The following SGMS2 variants were observed in gnomAD, a reference collection of about 807,000 sequenced individuals.
The protein encoded by SGMS2 is phosphatidylcholine:ceramide cholinephosphotransferase 2.
A neutral mutation model predicts 43.8 loss-of-function variants in SGMS2; 21 were observed. The ratio of observed to expected loss-of-function variants is 0.48; its 90% CI spans 0.34 to 0.69. The LOEUF (loss-of-function observed/expected upper bound fraction) is 0.69. SGMS2 is among the 30% of genes least tolerant of loss of function. SGMS2 has a pLI of 0.01. For synonymous variants in SGMS2, 167 were observed against 160.6 expected, an observed-to-expected ratio of 1.04 and a Z score of -0.30; for missense variants, 384 against 443.2, an observed-to-expected ratio of 0.87 and a Z score of 1.20.
intron 2 of SGMS2, among the ~76,000 whole-genome samples, chr4:107,880,834 A>C (rs531602786): frequency 6.7e-6 from 1 of 148,328 alleles, no homozygotes; most frequent in Non-Finnish European, 1.5e-5. Flanking sequence ...AGCCTAGGTG[A>C]CATAGCGAGA....
chr4:107,895,577 A>C lies in SGMS2; in HGVS notation c.24A>C (p.Lys8Asn), dbSNP rs1730596416. The C allele has an allele frequency of 5.0e-6, 8 of 1,613,760 alleles. No individual in the cohort carries two copies. Among genetic ancestry groups the C allele is most frequent in the Non-Finnish European group, 6.8e-6 (8 of 1,179,804 alleles). The change falls in exon 3 of 7, where the codon AAA (lysine) becomes AAC (asparagine). Residue 8 changes from lysine to asparagine, a missense_variant. Physicochemically the swap from Lys to Asn is moderately conservative, Grantham distance 94 (BLOSUM62 0). Coordinates refer to ENST00000690982, the MANE Select transcript of SGMS2 (RefSeq NM_001375905.1). ...CAATGGATATCATAGAGACAGCAAA[A>C]CTTGAAGAACATTTGGAAAATCAAC... MDIIETA[K>N]LEEHLENQPS...
intron 4 of SGMS2, 112 bp downstream of exon 4, chr4:107,899,804 C>A (rs1730969829): frequency 1.8e-6 from 1 of 560,166 alleles, no homozygotes; most frequent in Non-Finnish European, 3.0e-6. Flanking sequence ...TGAAATCTAG[C>A]ATCTTTTCTA....
intron 4 of SGMS2, among the ~76,000 whole-genome samples, chr4:107,902,863 G>A (rs77231097): frequency 0.016 from 2,401 of 152,164 alleles, 29 homozygotes; most frequent in South Asian, 0.031. Flanking sequence ...GTATGCAGCT[G>A]AATCAAATAT....
intron 2 of SGMS2, among the ~76,000 whole-genome samples, chr4:107,881,933 A>G (rs774212090): frequency 1.3e-5 from 2 of 152,148 alleles, no homozygotes; most frequent in Non-Finnish European, 2.9e-5. Context: ...CATATTGCAA[A>G]TGATGACATC....
chr4:107,898,378 G>A (rs1183312704), intron 3 of SGMS2, among the ~76,000 whole-genome samples: 1 of 151,852 alleles, frequency 6.6e-6, no homozygotes, highest in Non-Finnish European at 1.5e-5. Flanking sequence ...AATGTTATCT[G>A]AATTAGACCT....
intron 2 of SGMS2, among the ~76,000 whole-genome samples, chr4:107,883,764 C>A (rs1429394194): frequency 1.3e-5 from 2 of 152,138 alleles, no homozygotes; most frequent in Non-Finnish European, 2.9e-5. Context: ...TACATCTAAT[C>A]TAATTCCCTT....
chr4:107,893,998 C>G (rs1730458567), intron 2 of SGMS2, among the ~76,000 whole-genome samples: 1 of 152,186 alleles, frequency 6.6e-6, no homozygotes, highest in Non-Finnish European at 1.5e-5. Flanking sequence ...CCTACATAGC[C>G]TTCAGCACTG....
intron 4 of SGMS2, among the ~76,000 whole-genome samples, chr4:107,902,388 A>G (rs17038217): frequency 0.017 from 2,505 of 151,708 alleles, 29 homozygotes; most frequent in Middle Eastern, 0.041. Flanking sequence ...TTTGCTTTAT[A>G]CTTATCTGAT....
At chr4:107,901,517 T>C (rs1181770491) in intron 4 of SGMS2, among the ~76,000 whole-genome samples, 2 of 152,252 alleles carry the variant, frequency 1.3e-5, no homozygotes, top group African/African-American at 4.8e-5. Flanking sequence ...ATATCTGTTA[T>C]AGTAATTGAT....
At chr4:107,829,341 A>T (rs774180311) in intron 1 of SGMS2, among the ~76,000 whole-genome samples, 16 of 152,128 alleles carry the variant, frequency 1.1e-4, no homozygotes, top group Non-Finnish European at 2.1e-4. Context: ...TTTTTCATTC[A>T]CTTTTCTATT....
intron 1 of SGMS2, among the ~76,000 whole-genome samples, chr4:107,846,990 C>T (rs370591940): frequency 3.5e-4 from 53 of 152,118 alleles, no homozygotes; most frequent in Non-Finnish European, 6.3e-4. Flanking sequence ...TTTGTTTGAG[C>T]TCATTGTAGA....
At chr4:107,830,211 C>T (rs941972936) in intron 1 of SGMS2, among the ~76,000 whole-genome samples, 1 of 152,168 alleles carries the variant, frequency 6.6e-6, no homozygotes, top group Non-Finnish European at 1.5e-5. Flanking sequence ...GACATGATTT[C>T]ATTCATTTTT....
intron 5 of SGMS2, among the ~76,000 whole-genome samples, chr4:107,904,516 AG>A (rs1416429967): frequency 6.6e-6 from 1 of 152,148 alleles, no homozygotes; most frequent in Non-Finnish European, 1.5e-5. Flanking sequence ...ACAAGAGTTG[AG>A]GTTCTCTGTA....
chr4:107,847,326 A>C (rs530886261), intron 1 of SGMS2, among the ~76,000 whole-genome samples: 84 of 152,238 alleles, frequency 5.5e-4, no homozygotes, highest in Admixed American at 4.0e-3. Context: ...TCAGCTTTCT[A>C]CTTATGGCTA....
intron 2 of SGMS2, among the ~76,000 whole-genome samples, chr4:107,888,116 G>C (rs1201217260): frequency 2.0e-5 from 3 of 152,080 alleles, no homozygotes; most frequent in African/African-American, 7.2e-5. Context: ...TTGAGGAGTT[G>C]AATAGCTTTA....
chr4:107,865,226 A>T (rs1296170493), intron 2 of SGMS2, among the ~76,000 whole-genome samples: 1 of 152,178 alleles, frequency 6.6e-6, no homozygotes, highest in Admixed American at 6.5e-5. Context: ...CTGGCTTAGG[A>T]GTGTATGTCA....
intron 2 of SGMS2, among the ~76,000 whole-genome samples, chr4:107,862,821 T>C (rs1018208617): frequency 1.3e-5 from 2 of 152,178 alleles, no homozygotes; most frequent in African/African-American, 4.8e-5. Flanking sequence ...CACAAACAAG[T>C]TGCTAGGCAA....
At position 107,895,425 on chromosome 4, in the gene SGMS2, T is replaced by C; in HGVS notation, c.-129T>C. 1.1e-6 allele frequency: 1 copy of C among 947,408 alleles called. No individual in the cohort carries two copies. 58.7% of individuals were successfully genotyped at this position (947,408 alleles called of 1,614,324 possible). A position where few individuals can be genotyped will look rare whatever the true frequency, so the allele number is the denominator to read the frequency against. ...AATCGGATGGCTACCTTCTACATTT[T>C]GTATTAGGAAACAAAGTCCATTGTA... On this transcript the variant is annotated 5_prime_UTR_variant, in exon 3 of 7. Transcript: ENST00000690982.
At chr4:107,840,091 A>G (rs1005067306) in intron 1 of SGMS2, among the ~76,000 whole-genome samples, 2 of 152,214 alleles carry the variant, frequency 1.3e-5, no homozygotes, top group Admixed American at 6.6e-5. Flanking sequence ...AGTATTTCAT[A>G]TATCCTGTTT....
Sources: gnomAD v4.1 joint callset for allele counts (sites outside exome capture counted in the v4.1 genomes callset) on GRCh38, gnomAD v4.1.1 for gene constraint, MANE v1.5 for transcripts, NCBI Gene and HGNC (gene_info 2026-07-23, HGNC 2026-07-21) for gene names.